ARHGAP15: variants seen among roughly 807,000 people sequenced by gnomAD.
ARHGAP15 encodes rho GTPase-activating protein 15.
In ARHGAP15, 51 loss-of-function variants were observed where a neutral mutation model predicts 63.7. The ratio of observed to expected loss-of-function variants is 0.80; its 90% CI spans 0.64 to 1.01. The LOEUF is 1.01. ARHGAP15 is among the 50% of genes least tolerant of loss of function. The pLI, the probability that ARHGAP15 is intolerant of heterozygous loss-of-function variation, is 0.00. For synonymous variants in ARHGAP15, 191 were observed against 193.8 expected (o/e 0.99, Z 0.12); for missense variants, 560 against 564.6 (o/e 0.99, Z 0.08).
intron 8 of ARHGAP15, among the ~76,000 whole-genome samples, chr2:143,481,750 A>G (rs1009398359): frequency 2.6e-5 from 4 of 152,220 alleles, no homozygotes; most frequent in Non-Finnish European, 5.9e-5. Context: ...TAGCTGTGTC[A>G]GGTATAACAC....
chr2:143,586,054 A>G (rs1697096226), intron 11 of ARHGAP15, among the ~76,000 whole-genome samples: 2 of 152,126 alleles, frequency 1.3e-5, no homozygotes, highest in African/African-American at 4.8e-5. Context: ...AAAATAATAT[A>G]TCTATATTTA....
At chr2:143,147,974 G>T (rs1689656409) in intron 1 of ARHGAP15, among the ~76,000 whole-genome samples, 1 of 151,890 alleles carries the variant, frequency 6.6e-6, no homozygotes, top group Non-Finnish European at 1.5e-5. Flanking sequence ...CTTAGAAAGG[G>T]GTTATACCTT....
intron 11 of ARHGAP15, among the ~76,000 whole-genome samples, chr2:143,602,586 A>G (rs1487410374): frequency 6.6e-6 from 1 of 152,110 alleles, no homozygotes; most frequent in Non-Finnish European, 1.5e-5. Flanking sequence ...GATTCCATGA[A>G]AGAAAAGAAT....
Position 143,545,039 on chromosome 2 carries a change from G to T in ARHGAP15, c.926-11369G>T, listed in dbSNP as rs147033735. Among the ~76,000 whole-genome samples the T allele has an allele frequency of 3.3e-5, 5 of 152,244 alleles. No individual in the cohort carries two copies. In the East Asian group the frequency reaches 9.7e-4, roughly 29 times the overall value. On this transcript the variant is annotated intron_variant, in intron 10 of 13. Transcript: ENST00000295095. ...GACACTATAATTTCTCAGAAGTTTC[G>T]AAAGGCAGCAATAAGCTGAAAAGAA...
intron 10 of ARHGAP15, among the ~76,000 whole-genome samples, chr2:143,543,707 C>T (rs1271951126): frequency 2.0e-5 from 3 of 151,962 alleles, no homozygotes; most frequent in Admixed American, 6.6e-5. Flanking sequence ...TTCCACAAGT[C>T]TTTCAATGTA....
chr2:143,197,558 C>CTA (rs1400525846), intron 2 of ARHGAP15, among the ~76,000 whole-genome samples: 1 of 151,816 alleles, frequency 6.6e-6, no homozygotes, highest in Non-Finnish European at 1.5e-5. Flanking sequence ...CTAATTTTTG[C>CTA]TGATATCCAT....
intron 6 of ARHGAP15, among the ~76,000 whole-genome samples, chr2:143,352,435 T>C (rs1685612051): frequency 6.6e-6 from 1 of 152,142 alleles, no homozygotes; most frequent in Non-Finnish European, 1.5e-5. Flanking sequence ...AACACCTAAA[T>C]ATTTGGGGTT....
intron 6 of ARHGAP15, among the ~76,000 whole-genome samples, chr2:143,368,424 A>G (rs1258433470): frequency 6.6e-6 from 1 of 152,106 alleles, no homozygotes; most frequent in Non-Finnish European, 1.5e-5. Flanking sequence ...AGAGGCACGA[A>G]AGAAAAATAA....
intron 11 of ARHGAP15, among the ~76,000 whole-genome samples, chr2:143,557,627 G>C (rs1183904454): frequency 6.6e-6 from 1 of 152,018 alleles, no homozygotes; most frequent in Non-Finnish European, 1.5e-5. Flanking sequence ...ATAATATTTA[G>C]TTAATAATAA....
intron 11 of ARHGAP15, among the ~76,000 whole-genome samples, chr2:143,618,055 G>T (rs1029056760): frequency 1.3e-5 from 2 of 152,132 alleles, no homozygotes; most frequent in African/African-American, 4.8e-5. Context: ...TTTAGCCAGT[G>T]CAGCACAGAA....
intron 2 of ARHGAP15, chr2:143,172,229 A>C (rs1187395890): frequency 6.6e-6 from 1 of 152,138 alleles, no homozygotes; most frequent in Non-Finnish European, 1.5e-5. Flanking sequence ...TAATCAGGAC[A>C]CTTCGCTGCT....
chr2:143,586,013 G>A (rs1697094437), intron 11 of ARHGAP15, among the ~76,000 whole-genome samples: 1 of 151,990 alleles, frequency 6.6e-6, no homozygotes, highest in Admixed American at 6.6e-5. Flanking sequence ...GTCTGCAAAT[G>A]GTCTTATACT....
At chr2:143,516,678 ATTC>A (rs1257558247) in intron 9 of ARHGAP15, among the ~76,000 whole-genome samples, 3 of 152,138 alleles carry the variant, frequency 2.0e-5, no homozygotes, top group Admixed American at 2.0e-4. Context: ...CTTTATAGCA[ATTC>A]TTCTTCCTGA....
chr2:143,323,412 T>C (rs913833211), intron 6 of ARHGAP15, among the ~76,000 whole-genome samples: 4 of 152,218 alleles, frequency 2.6e-5, no homozygotes, highest in Non-Finnish European at 4.4e-5. Context: ...CAAAGATGGC[T>C]TAAGAAGTCT....
At chr2:143,748,397 G>A (rs1224224544) in intron 13 of ARHGAP15, among the ~76,000 whole-genome samples, 1 of 152,056 alleles carries the variant, frequency 6.6e-6, no homozygotes, top group Non-Finnish European at 1.5e-5. Context: ...TCTAATATAG[G>A]GGGAAAGAAA....
chr2:143,253,142 AT>A (rs771485218), intron 6 of ARHGAP15, among the ~76,000 whole-genome samples: 151 of 152,066 alleles, frequency 9.9e-4, no homozygotes, highest in Non-Finnish European at 1.7e-3. Context: ...GACTATTGAG[AT>A]TTTTGGTTCA....
chr2:143,714,780 T>G (rs1429764048), intron 13 of ARHGAP15, among the ~76,000 whole-genome samples: 1 of 152,248 alleles, frequency 6.6e-6, no homozygotes, highest in African/African-American at 2.4e-5. Flanking sequence ...GAGTCACCTT[T>G]GCTCCAGTTC....
At chr2:143,374,236 A>G (rs1265029647) in intron 6 of ARHGAP15, among the ~76,000 whole-genome samples, 1 of 152,174 alleles carries the variant, frequency 6.6e-6, no homozygotes, top group East Asian at 1.9e-4. Context: ...AGTTTTAAAA[A>G]ATGGGATATA....
chr2:143,216,977 G>A (rs1692781332), intron 4 of ARHGAP15, among the ~76,000 whole-genome samples: 1 of 152,132 alleles, frequency 6.6e-6, no homozygotes, highest in South Asian at 2.1e-4. Flanking sequence ...TGATAGGACG[G>A]TAAAGAAAGA....
Sources: allele counts gnomAD v4.1 joint callset (sites outside exome capture counted in the v4.1 genomes callset), GRCh38; gene constraint gnomAD v4.1.1; transcripts MANE v1.5; gene names NCBI Gene and HGNC (gene_info 2026-07-23, HGNC 2026-07-21).